SHISA9: variants seen among roughly 807,000 people sequenced by gnomAD.
The protein encoded by SHISA9 is shisa family member 9.
In SHISA9, 13 loss-of-function variants were observed where a neutral mutation model predicts 38.0. That is an observed-to-expected ratio of 0.34 (90% CI 0.22 to 0.54). The LOEUF is 0.54. Among genes scored for constraint, SHISA9 ranks in the 20% least tolerant of loss-of-function variants. The pLI is 0.91. For synonymous variants in SHISA9, 275 were observed against 242.0 expected (o/e 1.14, Z -1.27); for missense variants, 538 against 575.8 (o/e 0.93, Z 0.67).
intron 2 of SHISA9, among the ~76,000 whole-genome samples, chr16:13,014,444 T>C (rs760270810): frequency 2.0e-5 from 3 of 152,230 alleles, no homozygotes; most frequent in Non-Finnish European, 2.9e-5. Context: ...TAGGAGGTAA[T>C]TAAGCAGAGC....
chr16:13,122,595 G>A (rs2050221651), intron 2 of SHISA9, among the ~76,000 whole-genome samples: 1 of 152,198 alleles, frequency 6.6e-6, no homozygotes, highest in South Asian at 2.1e-4. Flanking sequence ...TCTATAAGGA[G>A]CAAACAGGCA....
the SHISA9 span, among the ~76,000 whole-genome samples, chr16:13,553,064 A>T: frequency 6.6e-6 from 1 of 152,100 alleles, no homozygotes; most frequent in Non-Finnish European, 1.5e-5. Flanking sequence ...GACAACAAAA[A>T]ATGTCTCCAG....
At chr16:13,198,113 A>G (rs1270742447) in intron 2 of SHISA9, among the ~76,000 whole-genome samples, 1 of 152,084 alleles carries the variant, frequency 6.6e-6, no homozygotes, top group African/African-American at 2.4e-5. Flanking sequence ...TGAACCTGGG[A>G]GGCGGAGGTC....
chr16:13,051,716 C>A (rs540368121), intron 2 of SHISA9, among the ~76,000 whole-genome samples: 1 of 152,140 alleles, frequency 6.6e-6, no homozygotes, highest in South Asian at 2.1e-4. Context: ...AATCAGAGCC[C>A]AATTTGCTTT....
intron 2 of SHISA9, among the ~76,000 whole-genome samples, chr16:13,197,816 G>T (rs1375495100): frequency 6.6e-6 from 1 of 152,208 alleles, no homozygotes; most frequent in African/African-American, 2.4e-5. Flanking sequence ...TGGGGATGGG[G>T]AATGTCTAGA....
intron 2 of SHISA9, among the ~76,000 whole-genome samples, chr16:12,946,366 G>A (rs2071688430): frequency 6.6e-6 from 1 of 152,150 alleles, no homozygotes; most frequent in African/African-American, 2.4e-5. Flanking sequence ...AAAGCATAAG[G>A]GAACCAAGTA....
chr16:13,062,212 A>T (rs912076832), intron 2 of SHISA9, among the ~76,000 whole-genome samples: 2 of 151,980 alleles, frequency 1.3e-5, no homozygotes, highest in African/African-American at 4.8e-5. Flanking sequence ...TCCATTGTTT[A>T]TCTGAAATGC....
chr16:13,072,127 AG>A (rs2073526291), intron 2 of SHISA9, among the ~76,000 whole-genome samples: 3 of 152,334 alleles, frequency 2.0e-5, no homozygotes, highest in Middle Eastern at 3.4e-3. Context: ...AGTGCCCATC[AG>A]TCTCCTAGTG....
chr16:12,947,534 C>T (rs567850510), intron 2 of SHISA9, among the ~76,000 whole-genome samples: 2 of 152,346 alleles, frequency 1.3e-5, no homozygotes, highest in East Asian at 3.9e-4. Context: ...AAGGATATCT[C>T]AGTCCTCGAT....
At chr16:13,064,098 T>C (rs576588670) in intron 2 of SHISA9, among the ~76,000 whole-genome samples, 1 of 152,202 alleles carries the variant, frequency 6.6e-6, no homozygotes, top group African/African-American at 2.4e-5. Context: ...TGAGATGGAG[T>C]CTCACTGTGT....
intron 2 of SHISA9, among the ~76,000 whole-genome samples, chr16:13,170,860 T>G (rs958372331): frequency 3.9e-5 from 6 of 152,152 alleles, no homozygotes; most frequent in African/African-American, 1.2e-4. Context: ...TTTCACCATG[T>G]TGGGCAGGCT....
chr16:13,111,740 G>A (rs776036965), intron 2 of SHISA9, among the ~76,000 whole-genome samples: 56 of 152,120 alleles, frequency 3.7e-4, no homozygotes, highest in Non-Finnish European at 7.8e-4. Context: ...TGAATATTAA[G>A]TATTCAATGC....
chr16:13,533,113 T>G, the SHISA9 span, among the ~76,000 whole-genome samples: 5 of 152,218 alleles, frequency 3.3e-5, no homozygotes, highest in African/African-American at 1.2e-4. Flanking sequence ...CTGATCATTC[T>G]TCTCCACCAG....
chr16:12,964,322 G>T (rs1347948898), intron 2 of SHISA9, among the ~76,000 whole-genome samples: 1 of 151,460 alleles, frequency 6.6e-6, no homozygotes, highest in Admixed American at 6.6e-5. Flanking sequence ...TAATTCCATG[G>T]AGCACCAGAG....
downstream of SHISA9, among the ~76,000 whole-genome samples, chr16:13,243,662 T>C (rs998763034): frequency 3.3e-5 from 5 of 152,024 alleles, no homozygotes; most frequent in African/African-American, 1.2e-4. Context: ...TGTGTTGATG[T>C]TAATGTTGGA....
the SHISA9 span, among the ~76,000 whole-genome samples, chr16:13,343,248 T>C: frequency 1.3e-5 from 2 of 152,226 alleles, no homozygotes; most frequent in Non-Finnish European, 2.9e-5. Context: ...GATCTCTCAA[T>C]ATCTCTAGTT....
At chr16:13,060,510 A>G (rs947193493) in intron 2 of SHISA9, among the ~76,000 whole-genome samples, 3 of 152,068 alleles carry the variant, frequency 2.0e-5, no homozygotes, top group African/African-American at 7.2e-5. Flanking sequence ...GCTTGGGTAC[A>G]GCAAGCCTTG....
chr16:13,103,269 C>T (rs751495273), intron 2 of SHISA9, among the ~76,000 whole-genome samples: 42 of 152,310 alleles, frequency 2.8e-4, no homozygotes, highest in African/African-American at 7.0e-4. Flanking sequence ...TCTCCTGGGG[C>T]GAGCTGAAAG....
chr16:13,451,974 A>C, the SHISA9 span, among the ~76,000 whole-genome samples: 1 of 152,224 alleles, frequency 6.6e-6, no homozygotes, highest in South Asian at 2.1e-4. Context: ...CTGCTTTTGC[A>C]AAGAAGTATG....
Sources: allele counts gnomAD v4.1 joint callset (sites outside exome capture counted in the v4.1 genomes callset), GRCh38; gene constraint gnomAD v4.1.1; transcripts MANE v1.5; gene names NCBI Gene and HGNC (gene_info 2026-07-23, HGNC 2026-07-21).